Variants in SPATA17 observed in about 807,000 individuals in gnomAD.
The protein encoded by SPATA17 is spermatogenesis-associated protein 17.
Under a neutral mutation model 62.2 loss-of-function variants are expected in SPATA17, and 53 were observed. That is an observed-to-expected ratio of 0.85 (90% CI 0.68 to 1.07). SPATA17 has a LOEUF of 1.07. SPATA17 is among the 50% of genes least tolerant of loss of function. The pLI is 0.00. For synonymous variants in SPATA17, 146 were observed against 146.8 expected (o/e 0.99, Z 0.04); for missense variants, 466 against 425.5 (o/e 1.10, Z -0.84).
intron 5 of SPATA17, among the ~76,000 whole-genome samples, chr1:217,704,207 C>A (rs535392540): frequency 7.5e-6 from 1 of 133,562 alleles, no homozygotes; most frequent in African/African-American, 2.7e-5. Context: ...TTTTTTTATC[C>A]TAACTCTCCT....
chr1:217,866,028 G>A (rs1489300137), intron 10 of SPATA17, among the ~76,000 whole-genome samples: 1 of 152,120 alleles, frequency 6.6e-6, no homozygotes, highest in Non-Finnish European at 1.5e-5. Context: ...ACCTGGACTG[G>A]GAAAGGGGTT....
In SPATA17 at chr1:217,742,033, G is replaced by A; in HGVS notation, c.454G>A (p.Glu152Lys). 1 of 1,614,028 alleles carries A rather than the reference G, an allele frequency of 6.2e-7. No individual in the cohort carries two copies. The highest frequency in any genetic ancestry group is 8.5e-7 in the Non-Finnish European group (1 of 1,179,974). The change falls in exon 6 of 11, where the codon GAA becomes AAA. Residue 152 changes from glutamate to lysine, a missense_variant. Transcript: ENST00000366933. Reference sequence around the variant, plus strand: ...AAGAGAAGAGAAGAAGGCTAACCTCGAAAGGGAAGAGAAGAAAAGAGATTA... The same window carrying A: ...AAGAGAAGAGAAGAAGGCTAACCTCAAAAGGGAAGAGAAGAAAAGAGATTA... ...KEREEKKANL[E>K]REEKKRDYQA... is the part of the protein sequence containing the mutation.
At chr1:217,848,637 T>C (rs1378994942) in intron 9 of SPATA17, among the ~76,000 whole-genome samples, 1 of 152,192 alleles carries the variant, frequency 6.6e-6, no homozygotes, top group Admixed American at 6.5e-5. Flanking sequence ...GAAAATTTCA[T>C]CCTACAAGTA....
intron 3 of SPATA17, among the ~76,000 whole-genome samples, chr1:217,666,176 G>T (rs183469051): frequency 2.6e-3 from 392 of 152,148 alleles, no homozygotes; most frequent in Non-Finnish European, 4.6e-3. Flanking sequence ...GATGATAAAG[G>T]AATAGGTAAT....
chr1:217,653,956 T>C (rs1670378218), intron 3 of SPATA17, among the ~76,000 whole-genome samples: 1 of 152,166 alleles, frequency 6.6e-6, no homozygotes, highest in Non-Finnish European at 1.5e-5. Flanking sequence ...GGTCCATTTG[T>C]CTCACAGGTA....
chr1:217,685,286 G>T (rs1369655933), intron 5 of SPATA17, among the ~76,000 whole-genome samples: 2 of 152,154 alleles, frequency 1.3e-5, no homozygotes, highest in Non-Finnish European at 2.9e-5. Flanking sequence ...TCTTGTCTGA[G>T]CCCTGAATAG....
chr1:217,835,359 T>G lies in SPATA17; in HGVS notation c.1006-27415T>G, dbSNP rs78975138. Among the ~76,000 whole-genome samples the G allele has an allele frequency of 4.5e-3, 687 of 152,298 alleles. 3 individuals carry two copies. Among genetic ancestry groups the G allele is most frequent in the Middle Eastern group, 0.01 (3 of 294 alleles). ...GAAGCTGGAGTTAATTTCAATAGGA[T>G]GTTCAGAGATTTCTGCTTATATAGA... On this transcript the variant is annotated intron_variant, in intron 9 of 10. Transcript: ENST00000366933.
chr1:217,678,506 C>T (rs931940234), intron 4 of SPATA17, among the ~76,000 whole-genome samples: 6 of 151,504 alleles, frequency 4.0e-5, no homozygotes, highest in Middle Eastern at 3.3e-3. Context: ...CCGCTCCTGG[C>T]CCCATGCCTT....
At chr1:217,853,033 T>C (rs1343244115) in intron 9 of SPATA17, among the ~76,000 whole-genome samples, 1 of 152,206 alleles carries the variant, frequency 6.6e-6, no homozygotes, top group Non-Finnish European at 1.5e-5. Context: ...CATGACTGGT[T>C]CATTGCTGTA....
intron 6 of SPATA17, among the ~76,000 whole-genome samples, chr1:217,749,985 C>CTCTATA: frequency 1.5e-3 from 18 of 12,308 alleles, no homozygotes; most frequent in East Asian, 4.6e-3. Context: ...CTCTCTCTCT[C>CTCTATA]TATATATATA....
At chr1:217,782,823 A>AT (rs58655414) in intron 8 of SPATA17, among the ~76,000 whole-genome samples, 115,826 of 151,222 alleles carry the variant, frequency 0.77, 44,759 homozygotes, top group Non-Finnish European at 0.81. Context: ...GTAATTTTAA[A>AT]TTTTTTTTAG....
rs952185555 is a variant in SPATA17 at position 217,687,190 on chromosome 1, C to T, written c.395+3829C>T. Among the ~76,000 whole-genome samples, 7 of 151,990 alleles carry T rather than the reference C, an allele frequency of 4.6e-5. No homozygotes were observed. The South Asian group carries it at 6.2e-4, about 14-fold the overall frequency. On this transcript the variant is annotated intron_variant, in intron 5 of 10. Transcript: ENST00000366933. The stretch of plus-strand genomic sequence containing the variant: ...TTTAGTAATTAAAACATTTAGTCTA[C>T]GATTCGTTTCCATGTATAATATTGT...
chr1:217,710,284 GC>G (rs1325311688), intron 5 of SPATA17, among the ~76,000 whole-genome samples: 1 of 152,020 alleles, frequency 6.6e-6, no homozygotes, highest in Non-Finnish European at 1.5e-5. Context: ...TGCAAAAACT[GC>G]CCCAGGTTAT....
At chr1:217,768,685 G>A (rs910314216) in intron 6 of SPATA17, among the ~76,000 whole-genome samples, 7 of 151,776 alleles carry the variant, frequency 4.6e-5, no homozygotes, top group Admixed American at 4.6e-4. Flanking sequence ...GTAGAGATGG[G>A]GTTTCAGTAT....
At chr1:217,797,251 C>CTTT (rs11360301) in intron 8 of SPATA17, among the ~76,000 whole-genome samples, 1 of 119,816 alleles carries the variant, frequency 8.3e-6, no homozygotes, top group Admixed American at 8.4e-5. Flanking sequence ...TTCTTTCTTT[C>CTTT]TTTTTTTTTT....
At chr1:217,747,084 C>T (rs982350013) in intron 6 of SPATA17, among the ~76,000 whole-genome samples, 1 of 151,948 alleles carries the variant, frequency 6.6e-6, no homozygotes, top group African/African-American at 2.4e-5. Context: ...AAATCTTTGT[C>T]CCTGTAAAAG....
At chr1:217,663,724 G>C (rs752140265) in intron 3 of SPATA17, among the ~76,000 whole-genome samples, 17 of 151,926 alleles carry the variant, frequency 1.1e-4, no homozygotes, top group Non-Finnish European at 2.4e-4. Flanking sequence ...AATGATGCCA[G>C]TTGATCTCAT....
chr1:217,827,034 T>G (rs1375686025), intron 9 of SPATA17, among the ~76,000 whole-genome samples: 2 of 152,070 alleles, frequency 1.3e-5, no homozygotes, highest in Admixed American at 6.6e-5. Context: ...TGATTACTTA[T>G]GTTATAGTGA....
At chr1:217,648,793 G>T in intron 1 of SPATA17, 89 bp from the exon 2 acceptor site, 2 of 661,080 alleles carry the variant, frequency 3.0e-6, no homozygotes, top group Admixed American at 2.9e-5. Flanking sequence ...TATCATCTTG[G>T]AAGAAATTAA....
Sources: allele counts gnomAD v4.1 joint callset (sites outside exome capture counted in the v4.1 genomes callset), GRCh38; gene constraint gnomAD v4.1.1; transcripts MANE v1.5; gene names NCBI Gene and HGNC (gene_info 2026-07-23, HGNC 2026-07-21).